USP38: variants seen among roughly 807,000 people sequenced by gnomAD.
USP38 encodes the protein ubiquitin carboxyl-terminal hydrolase 38.
Under a neutral mutation model 94.3 loss-of-function variants are expected in USP38, and 49 were observed. The ratio of observed to expected loss-of-function variants is 0.52; its 90% CI spans 0.41 to 0.66. USP38 has a LOEUF of 0.66. USP38 is among the 30% of genes least tolerant of loss of function. The pLI, the probability that USP38 is intolerant of heterozygous loss-of-function variation, is 0.00. For missense variants in USP38, 1,128 were observed against 1,229.4 expected (o/e 0.92, Z 1.23); for synonymous variants, 468 against 463.6 (o/e 1.01, Z -0.12).
At chr4:143,201,487 A>G (rs1731713456) in intron 4 of USP38, among the ~76,000 whole-genome samples, 1 of 152,178 alleles carries the variant, frequency 6.6e-6, no homozygotes, top group African/African-American at 2.4e-5. Context: ...AGTAGTGGGT[A>G]ATGTGGTAGT....
rs201248005 is a variant in USP38 at position 143,213,871 on chromosome 4, A to G, written c.1895A>G (p.Gln632Arg). ...TCTTCTTTGGAAAACATGTCTGTCC[A>G]AGATCCAGCATCATCACCCAGTATA... The part of the protein sequence containing the change: ...PSSSLENMSV[Q>R]DPASSPSIQD... Residue 632 changes from glutamine to arginine, a missense_variant, in exon 9 of 10, where the codon CAA becomes CGA. Coordinates refer to ENST00000307017, the MANE Select transcript of USP38 (RefSeq NM_032557.6). 7 of 1,613,858 alleles carry G rather than the reference A, an allele frequency of 4.3e-6. No homozygotes were observed. In the African/African-American group the frequency reaches 9.3e-5, roughly 22 times the overall value.
In USP38 at chr4:143,214,508, C is replaced by T. The variant is rs369335540; in HGVS notation, c.2532C>T (p.Ser844=). 7.5e-5 allele frequency: 121 copies of T among 1,613,292 alleles called. No individual in the cohort carries two copies. Among genetic ancestry groups the T allele is most frequent in the Non-Finnish European group, 9.0e-5 (106 of 1,179,770 alleles). Reference sequence around the variant, plus strand: ...AATTGGTGCCCTATCTATTAAGTTCCGTTGTGGTTCACTCTGGTATATCCT... The same window carrying T: ...AATTGGTGCCCTATCTATTAAGTTCTGTTGTGGTTCACTCTGGTATATCCT... ...CTKLVPYLLS[S]VVVHSGISSE... is the part of the protein sequence containing the mutation. The change falls in exon 9 of 10, where the codon TCC becomes TCT. Residue 844 remains serine, a synonymous_variant. Coordinates refer to ENST00000307017, the MANE Select transcript of USP38 (RefSeq NM_032557.6).
Position 143,185,817 on chromosome 4 carries a change from C to G in USP38, c.367C>G (p.Leu123Val), listed in dbSNP as rs770626867. The G allele has an allele frequency of 1.3e-5, 21 of 1,614,122 alleles. No homozygotes were observed. The highest frequency in any genetic ancestry group is 1.8e-5 in the Non-Finnish European group (21 of 1,180,052). ...LIMSCPSVLD[L>V]FSLLQVEVLR... ...TATGAGCTGTCCGTCGGTGCTGGAT[C>G]TCTTTAGCCTCCTGCAGGTAGAGGT... Residue 123 changes from leucine to valine, a missense_variant, in exon 1 of 10, where the codon CTC becomes GTC. By Grantham distance (32) the Leu-to-Val change is conservative. Coordinates refer to ENST00000307017, the MANE Select transcript of USP38 (RefSeq NM_032557.6).
chr4:143,194,127 T>A (rs1046394525), intron 2 of USP38, among the ~76,000 whole-genome samples: 4 of 152,232 alleles, frequency 2.6e-5, no homozygotes, highest in African/African-American at 9.7e-5. Context: ...ACATAGTAGT[T>A]GTTGTTTTAG....
At chr4:143,190,217 T>G (rs940718694) in intron 2 of USP38, among the ~76,000 whole-genome samples, 2 of 151,986 alleles carry the variant, frequency 1.3e-5, no homozygotes, top group Non-Finnish European at 2.9e-5. Context: ...CAGCTGGAAG[T>G]GAAATTAGAA....
At chr4:143,191,927 A>G (rs1044814724) in intron 2 of USP38, among the ~76,000 whole-genome samples, 2 of 152,254 alleles carry the variant, frequency 1.3e-5, no homozygotes, top group African/African-American at 4.8e-5. Context: ...CTTATCTTGC[A>G]GTGCCTGCCT....
chr4:143,188,830 A>T (rs1731308433), intron 2 of USP38, among the ~76,000 whole-genome samples: 1 of 152,100 alleles, frequency 6.6e-6, no homozygotes, highest in Non-Finnish European at 1.5e-5. Flanking sequence ...CACTTCACTG[A>T]TTCCAACATG....
intron 5 of USP38, among the ~76,000 whole-genome samples, chr4:143,204,256 A>C (rs1731797463): frequency 6.6e-6 from 1 of 152,214 alleles, no homozygotes; most frequent in African/African-American, 2.4e-5. Context: ...CTGGGATTAC[A>C]GGCGTGAGCC....
intron 7 of USP38, among the ~76,000 whole-genome samples, chr4:143,210,757 G>A (rs1435153935): frequency 6.6e-6 from 1 of 151,878 alleles, no homozygotes; most frequent in Non-Finnish European, 1.5e-5. Context: ...AGGACCAGAA[G>A]AAACAATAGG....
At chr4:143,199,797 G>C (rs1052112974) in intron 4 of USP38, among the ~76,000 whole-genome samples, 2 of 152,094 alleles carry the variant, frequency 1.3e-5, no homozygotes, top group African/African-American at 4.8e-5. Context: ...AAAAGCGTCT[G>C]TTCATGTCCT....
At chr4:143,196,261 G>A (rs1039080564) in intron 3 of USP38, among the ~76,000 whole-genome samples, 4 of 152,134 alleles carry the variant, frequency 2.6e-5, no homozygotes, top group African/African-American at 2.4e-5. Context: ...AGCCAAGATA[G>A]CACCACTGCA....
chr4:143,218,866 T>C (rs1187144482), intron 9 of USP38, among the ~76,000 whole-genome samples: 2 of 152,106 alleles, frequency 1.3e-5, no homozygotes, highest in East Asian at 3.9e-4. Context: ...TTTGGATAGT[T>C]TAATAGGTTA....
Position 143,213,947 on chromosome 4 carries a change from A to C in USP38, c.1971A>C (p.Pro657=). The C allele has an allele frequency of 6.2e-7, 1 of 1,613,716 alleles. No individual in the cohort carries two copies. The highest frequency in any genetic ancestry group is 1.7e-5 in the Admixed American group (1 of 59,986). Reference sequence around the variant, plus strand: ...CTGTACCCGGTCCTTCAGAAGAACCAGTAGTTTATAATCCAACAACAGCTG... The same window carrying C: ...CTGTACCCGGTCCTTCAGAAGAACCCGTAGTTTATAATCCAACAACAGCTG... The part of the protein sequence containing the change: ...QASVPGPSEE[P]VVYNPTTAAF... The change falls in exon 9 of 10, where the codon CCA becomes CCC. Residue 657 remains proline (P), a synonymous_variant. Transcript: ENST00000307017.
At chr4:143,200,283 T>C (rs1731674377) in intron 4 of USP38, among the ~76,000 whole-genome samples, 1 of 152,256 alleles carries the variant, frequency 6.6e-6, no homozygotes, top group East Asian at 1.9e-4. Context: ...AGACATAAAC[T>C]ACATGGTTAT....
intron 2 of USP38, among the ~76,000 whole-genome samples, chr4:143,194,309 G>A (rs1731481686): frequency 6.6e-6 from 1 of 152,124 alleles, no homozygotes; most frequent in Non-Finnish European, 1.5e-5. Flanking sequence ...ATGTTTATCT[G>A]TAATTTACAG....
rs1732298110 is a variant in USP38, at chr4:143,220,535, C to CAAAA, written c.*79_*80insAAAA. 1 of 1,349,054 alleles carries CAAAA rather than the reference C, an allele frequency of 7.4e-7. No homozygotes were observed. Among genetic ancestry groups the CAAAA allele is most frequent in the Non-Finnish European group, 9.7e-7 (1 of 1,027,770 alleles). 83.6% of individuals were successfully genotyped at this position (1,349,054 alleles called of 1,614,324 possible). A position where few individuals can be genotyped will look rare whatever the true frequency, so the allele number is the denominator to read the frequency against. On this transcript the variant is annotated 3_prime_UTR_variant, in exon 10 of 10. Coordinates refer to ENST00000307017, the MANE Select transcript of USP38 (RefSeq NM_032557.6). ...TAAAATGTCAGACTATAACAAATAT[C>CAAAA]TATCTTTTATTTTTCATTAGACCCT...
chr4:143,205,173 G>C (rs1001711019), intron 5 of USP38, among the ~76,000 whole-genome samples: 2 of 152,110 alleles, frequency 1.3e-5, no homozygotes, highest in African/African-American at 4.8e-5. Flanking sequence ...TGAAAATTCT[G>C]ATAACTCATA....
At chr4:143,203,932 A>C (rs6818149) in intron 5 of USP38, among the ~76,000 whole-genome samples, 81,361 of 151,908 alleles carry the variant, frequency 0.54, 22,868 homozygotes, top group East Asian at 0.82. Flanking sequence ...AATACAGGAA[A>C]TGGAGTTTAA....
Position 143,223,797 on chromosome 4 carries a change from A to G in USP38, c.*3341A>G, listed in dbSNP as rs554674629. ...TCAAAAATACTGTACATTTATATAT[A>G]GTATTTTTTCTCATAAAAATGTGAT... On this transcript the variant is annotated 3_prime_UTR_variant, in exon 10 of 10. Transcript: ENST00000307017. The G allele has an allele frequency of 6.6e-6, 1 of 152,142 alleles. No individual in the cohort carries two copies. Among genetic ancestry groups the G allele is most frequent in the African/African-American group, 2.4e-5 (1 of 41,462 alleles). 9.4% of individuals were successfully genotyped at this position (152,142 alleles called of 1,614,324 possible). A position where few individuals can be genotyped will look rare whatever the true frequency, so the allele number is the denominator to read the frequency against.
Sources: gnomAD v4.1 joint callset for allele counts (sites outside exome capture counted in the v4.1 genomes callset) on GRCh38, gnomAD v4.1.1 for gene constraint, MANE v1.5 for transcripts, NCBI Gene and HGNC (gene_info 2026-07-23, HGNC 2026-07-21) for gene names.